The following HECW2 variants were observed in gnomAD, a reference collection of about 807,000 sequenced individuals.
HECW2 encodes the protein HECT, C2 and WW domain containing E3 ubiquitin protein ligase 2, also known as E3 ubiquitin-protein ligase HECW2.
HECW2 carries 61 observed loss-of-function variants against 175.2 expected under a neutral mutation model. The ratio of observed to expected loss-of-function variants is 0.35; its 90% CI spans 0.28 to 0.43. HECW2 has a LOEUF of 0.43. Ranked by LOEUF, HECW2 falls within the 20% of genes least tolerant of loss-of-function variation. The pLI, the probability that HECW2 is intolerant of heterozygous loss-of-function variation, is 1.00. For missense variants in HECW2, 1,524 were observed against 2,000.5 expected (o/e 0.76, Z 4.54); for synonymous variants, 671 against 731.0 (o/e 0.92, Z 1.32).
chr2:196,352,647 G>A (rs1693213605), intron 2 of HECW2, among the ~76,000 whole-genome samples: 1 of 152,138 alleles, frequency 6.6e-6, no homozygotes, highest in African/African-American at 2.4e-5. Context: ...GTGACATATA[G>A]TCAAGTCTGA....
At chr2:196,503,449 C>T in intron 1 of HECW2, among the ~76,000 whole-genome samples, 1 of 152,120 alleles carries the variant, frequency 6.6e-6, no homozygotes. Flanking sequence ...GTAGATTGTT[C>T]AGTGTCAGTC....
chr2:196,507,921 A>G (rs1575615903), intron 1 of HECW2, among the ~76,000 whole-genome samples: 1 of 152,156 alleles, frequency 6.6e-6, no homozygotes, highest in Non-Finnish European at 1.5e-5. Context: ...TGTGCAGCTA[A>G]TTTTTTCTCC....
intron 24 of HECW2, among the ~76,000 whole-genome samples, chr2:196,222,008 T>C (rs373815249): frequency 5.3e-5 from 8 of 152,366 alleles, no homozygotes; most frequent in African/African-American, 1.9e-4. Flanking sequence ...TCACCATCTG[T>C]AATTTACAGC....
intron 13 of HECW2, among the ~76,000 whole-genome samples, chr2:196,298,368 C>T (rs1044380333): frequency 2.6e-5 from 4 of 152,046 alleles, no homozygotes; most frequent in African/African-American, 7.2e-5. Context: ...AAGAAAAAAC[C>T]CACAAAATTT....
Position 196,422,663 on chromosome 2 carries a change from T to C in HECW2, c.292+10469A>G, listed in dbSNP as rs145996322. On this transcript the variant is annotated intron_variant, in intron 2 of 28. Transcript: ENST00000644978. ...GGGTTAGTAAATTATTGCAGCATAA[T>C]CTGACTAGGTGAAAAGAATTTAGAG... Among the ~76,000 whole-genome samples, 952 of 152,198 alleles carry C rather than the reference T, an allele frequency of 6.3e-3. 7 individuals carry two copies. Among genetic ancestry groups the C allele is most frequent in the Non-Finnish European group, 0.01 (709 of 67,988 alleles).
chr2:196,566,534 CTTTTTT>C (rs397942390), intron 1 of HECW2, among the ~76,000 whole-genome samples: 4 of 139,554 alleles, frequency 2.9e-5, no homozygotes, highest in Non-Finnish European at 6.3e-5. Flanking sequence ...TTTTCTTTTT[CTTTTTT>C]TTTTTTTTGA....
At chr2:196,468,135 C>G (rs563052239) in intron 1 of HECW2, among the ~76,000 whole-genome samples, 7 of 152,290 alleles carry the variant, frequency 4.6e-5, no homozygotes, top group East Asian at 3.9e-4. Context: ...GCTGGTATTA[C>G]AGGCACATGC....
chr2:196,259,814 T>C (rs1046787374), intron 17 of HECW2, among the ~76,000 whole-genome samples: 1 of 152,164 alleles, frequency 6.6e-6, no homozygotes. Context: ...GAAAGTTATC[T>C]TGAAGAAAAA....
intron 1 of HECW2, among the ~76,000 whole-genome samples, chr2:196,436,467 A>C (rs1006789829): frequency 4.6e-5 from 7 of 152,102 alleles, no homozygotes; most frequent in African/African-American, 1.7e-4. Context: ...TCGTTCATGC[A>C]AAAATAACTG....
At chr2:196,454,223 A>G (rs544810916) in intron 1 of HECW2, among the ~76,000 whole-genome samples, 1 of 152,304 alleles carries the variant, frequency 6.6e-6, no homozygotes, top group Admixed American at 6.5e-5. Context: ...CCAGATTTAT[A>G]CATGCATAAT....
At chr2:196,341,832 G>T (rs1034464980) in intron 3 of HECW2, among the ~76,000 whole-genome samples, 1 of 152,190 alleles carries the variant, frequency 6.6e-6, no homozygotes, top group African/African-American at 2.4e-5. Flanking sequence ...GATGGTAAAA[G>T]AAATTATTTC....
intron 2 of HECW2, among the ~76,000 whole-genome samples, chr2:196,415,123 A>C (rs1351372450): frequency 1.3e-5 from 2 of 152,158 alleles, no homozygotes; most frequent in Non-Finnish European, 2.9e-5. Context: ...CAGGTGAGAG[A>C]GGAGTTGTTG....
chr2:196,332,493 G>T (rs1304481436), intron 4 of HECW2, among the ~76,000 whole-genome samples: 1 of 152,184 alleles, frequency 6.6e-6, no homozygotes, highest in Admixed American at 6.5e-5. Flanking sequence ...TGCCAGTGTT[G>T]TATCTGTGAC....
chr2:196,281,050 T>C (rs1690164755), intron 14 of HECW2, among the ~76,000 whole-genome samples: 2 of 152,208 alleles, frequency 1.3e-5, no homozygotes, highest in South Asian at 2.1e-4. Context: ...GGTACAATGA[T>C]GCACTTGTAA....
chr2:196,398,718 C>A (rs967515455), intron 2 of HECW2, among the ~76,000 whole-genome samples: 2 of 152,214 alleles, frequency 1.3e-5, no homozygotes, highest in African/African-American at 2.4e-5. Flanking sequence ...TCTTCTGATA[C>A]CTTGTATCCC....
At chr2:196,357,587 C>T (rs1438493860) in intron 2 of HECW2, among the ~76,000 whole-genome samples, 1 of 152,168 alleles carries the variant, frequency 6.6e-6, no homozygotes, top group African/African-American at 2.4e-5. Context: ...AACCTTTATT[C>T]ACCAACAAAG....
chr2:196,503,496 T>C (rs1356557021), intron 1 of HECW2, among the ~76,000 whole-genome samples: 1 of 152,028 alleles, frequency 6.6e-6, no homozygotes, highest in Non-Finnish European at 1.5e-5. Context: ...GAAAAAGAAC[T>C]AGGGACAAGG....
chr2:196,328,633 T>G (rs1363854217), intron 5 of HECW2, among the ~76,000 whole-genome samples: 1 of 152,090 alleles, frequency 6.6e-6, no homozygotes, highest in Non-Finnish European at 1.5e-5. Flanking sequence ...TTTTTTGCAA[T>G]CAAGAAAAGT....
chr2:196,352,664 C>T (rs895601116), intron 2 of HECW2, among the ~76,000 whole-genome samples: 1 of 152,092 alleles, frequency 6.6e-6, no homozygotes, highest in Non-Finnish European at 1.5e-5. Flanking sequence ...CTGAACCACA[C>T]CCCTGAGGGG....
Sources: gnomAD v4.1 joint callset for allele counts (sites outside exome capture counted in the v4.1 genomes callset) on GRCh38, gnomAD v4.1.1 for gene constraint, MANE v1.5 for transcripts, NCBI Gene and HGNC (gene_info 2026-07-23, HGNC 2026-07-21) for gene names.